Variants in FBXL18 observed in about 807,000 individuals in gnomAD.
FBXL18 encodes F-box and leucine rich repeat protein 18, also known as F-box/LRR-repeat protein 18.
A neutral mutation model predicts 46.0 loss-of-function variants in FBXL18; 36 were observed. The ratio of observed to expected loss-of-function variants is 0.78; its 90% confidence interval spans 0.60 to 1.03. FBXL18 has a LOEUF of 1.03. FBXL18 is among the 50% of genes least tolerant of loss of function. FBXL18 has a pLI of 0.00. For synonymous variants in FBXL18, 557 were observed against 465.3 expected, an observed-to-expected ratio of 1.20 and a Z score of -2.54; for missense variants, 977 against 1,004.1, an observed-to-expected ratio of 0.97 and a Z score of 0.36.
At chr7:5,482,573 G>A (rs2128234051) in intron 4 of FBXL18, among the ~76,000 whole-genome samples, 1 of 151,118 alleles carries the variant, frequency 6.6e-6, no homozygotes, top group Non-Finnish European at 1.5e-5. Flanking sequence ...ATTGCCACGG[G>A]GTGCCCACCG....
chr7:5,497,254 T>TA (rs1410850740), intron 3 of FBXL18, among the ~76,000 whole-genome samples: 1 of 151,978 alleles, frequency 6.6e-6, no homozygotes, highest in Admixed American at 6.6e-5. Flanking sequence ...GTCAAATTTC[T>TA]AAAGCAGGGA....
At chr7:5,472,648 C>T (rs1783445825), downstream of FBXL18, among the ~76,000 whole-genome samples, 1 of 152,178 alleles carries the variant, frequency 6.6e-6, no homozygotes, top group Admixed American at 6.5e-5. Flanking sequence ...ACAGGCCCCA[C>T]TGAGGTCCAG....
intron 4 of FBXL18, among the ~76,000 whole-genome samples, chr7:5,465,729 G>A (rs190964144): frequency 2.0e-5 from 3 of 152,028 alleles, no homozygotes; most frequent in Non-Finnish European, 2.9e-5. Context: ...TGGGTACTAT[G>A]TTCGCTATTT....
At chr7:5,464,985 C>T (rs1360345909) in intron 4 of FBXL18, among the ~76,000 whole-genome samples, 4 of 151,992 alleles carry the variant, frequency 2.6e-5, no homozygotes, top group African/African-American at 9.7e-5. Flanking sequence ...GTCACTTGAA[C>T]CCAGGAGATG....
Position 5,491,446 on chromosome 7 carries a change from C to G in FBXL18, c.1785G>C (p.Leu595=). Reference sequence around the variant, plus strand: ...CGTTGGCGCTGAAGTAGGGCTGCTCCAGCCTGCGGGGAGAGAGGGCAGCTG... The same window carrying G: ...CGTTGGCGCTGAAGTAGGGCTGCTCGAGCCTGCGGGGAGAGAGGGCAGCTG... ...KHCKRLRDLR[L]EQPYFSANAQ... is the part of the protein sequence containing the mutation. The change falls in exon 4 of 5, where the codon CTG becomes CTC. Residue 595 remains leucine, a synonymous_variant. Transcript: ENST00000382368. The G allele has an allele frequency of 6.3e-7, 1 of 1,575,806 alleles. No individual in the cohort carries two copies. The highest frequency in any genetic ancestry group is 1.2e-5 in the South Asian group (1 of 86,938).
At chr7:5,461,993 G>A (rs1584180670) in intron 4 of FBXL18, among the ~76,000 whole-genome samples, 1 of 152,012 alleles carries the variant, frequency 6.6e-6, no homozygotes, top group African/African-American at 2.4e-5. Context: ...GTTCACTCCT[G>A]TAATCCCAGC....
chr7:5,464,663 C>CAA (rs774631633), intron 4 of FBXL18, among the ~76,000 whole-genome samples: 12,083 of 29,360 alleles, frequency 0.41, 3,299 homozygotes, highest in East Asian at 0.69. Flanking sequence ...ACTCTTATCT[C>CAA]AAAAAAAAAA....
At position 5,490,113 on chromosome 7, in the gene FBXL18, G is replaced by A. The variant is rs1275251450; in HGVS notation, c.2000+1118C>T. The A allele has an allele frequency of 2.2e-6, 3 of 1,361,920 alleles. No homozygotes were observed. In the East Asian group the frequency reaches 1.4e-4, roughly 62 times the overall value. 84.4% of individuals were successfully genotyped at this position (1,361,920 alleles called of 1,614,324 possible). ...AACAGACTACCCCAGAGTCTGGCAA[G>A]CAGGGTTGTCGGCGCCCAGTGGCTC... On this transcript the variant is annotated intron_variant, in intron 4 of 4. Transcript: ENST00000382368.
At position 5,501,007 on chromosome 7, in the gene FBXL18, G is replaced by C; in HGVS notation, c.1262C>G (p.Pro421Arg). The C allele has an allele frequency of 1.9e-6, 3 of 1,593,984 alleles. No homozygotes were observed. The highest frequency in any genetic ancestry group is 2.6e-6 in the Non-Finnish European group (3 of 1,172,798). ...CGCGGAGTCAGCGACAGAGCAGACAGGCAGGGAGAGGGAGCGCAGGTGACG... is the reference window on the plus strand; with the variant it reads ...CGCGGAGTCAGCGACAGAGCAGACACGCAGGGAGAGGGAGCGCAGGTGACG... Reference protein sequence around the residue: ...RLRHLRSLSLPVCSVADSAPR... With the variant: ...RLRHLRSLSLRVCSVADSAPR... The change falls in exon 3 of 5, where the codon CCT (proline) becomes CGT (arginine). Residue 421 changes from proline (P) to arginine (R), a missense_variant. Coordinates refer to ENST00000382368, the MANE Select transcript of FBXL18 (RefSeq NM_024963.6).
At chr7:5,490,151 C>T (rs768975292) in intron 4 of FBXL18, 9 of 1,358,312 alleles carry the variant, frequency 6.6e-6, no homozygotes, top group African/African-American at 3.0e-5. Flanking sequence ...GACGTCCTGG[C>T]TGATGGCTCT....
intron 4 of FBXL18, among the ~76,000 whole-genome samples, chr7:5,461,386 C>G (rs776536749): frequency 6.6e-6 from 1 of 151,762 alleles, no homozygotes; most frequent in East Asian, 2.0e-4. Flanking sequence ...GGGCAACATA[C>G]TCGGTTGATA....
At chr7:5,486,542 A>G (rs1783781732) in intron 4 of FBXL18, among the ~76,000 whole-genome samples, 1 of 151,976 alleles carries the variant, frequency 6.6e-6, no homozygotes, top group Non-Finnish European at 1.5e-5. Flanking sequence ...AGTCCCAGGT[A>G]CTGAGGAGGC....
At chr7:5,488,153 C>G (rs569038417) in intron 4 of FBXL18, among the ~76,000 whole-genome samples, 1 of 152,370 alleles carries the variant, frequency 6.6e-6, no homozygotes, top group East Asian at 1.9e-4. Context: ...CACCTTAGAT[C>G]ATCAGACTTG....
intron 4 of FBXL18, among the ~76,000 whole-genome samples, chr7:5,466,183 A>C (rs1783338706): frequency 6.6e-6 from 1 of 151,750 alleles, no homozygotes; most frequent in Non-Finnish European, 1.5e-5. Flanking sequence ...AAAAAAAAAG[A>C]AAAGAAAAGA....
At chr7:5,498,521 C>G (rs1784144800) in intron 3 of FBXL18, among the ~76,000 whole-genome samples, 1 of 152,248 alleles carries the variant, frequency 6.6e-6, no homozygotes, top group Non-Finnish European at 1.5e-5. Flanking sequence ...TGGCAAAGTG[C>G]TGGGATTACA....
intron 1 of FBXL18, among the ~76,000 whole-genome samples, chr7:5,510,829 C>T (rs2128239350): frequency 1.3e-5 from 2 of 152,256 alleles, no homozygotes; most frequent in East Asian, 1.9e-4. Flanking sequence ...AGACAGGTCC[C>T]AACCAGGCAC....
chr7:5,462,943 T>A (rs550598432), intron 4 of FBXL18, among the ~76,000 whole-genome samples: 1 of 35,226 alleles, frequency 2.8e-5, no homozygotes, highest in Non-Finnish European at 6.2e-5. Flanking sequence ...AGAGTGAGAC[T>A]TGGTCTCAAA....
At chr7:5,469,559 G>A (rs1783396367) in intron 4 of FBXL18, among the ~76,000 whole-genome samples, 1 of 151,952 alleles carries the variant, frequency 6.6e-6, no homozygotes, top group South Asian at 2.1e-4. Flanking sequence ...TGTGTGGGGG[G>A]GGTGTACGTG....
rs994462077 is a variant in FBXL18 at position 5,481,404 on chromosome 7, C to T, written c.*371G>A. ...CCACAAACACAACAGCCAAGGGACACGCTTCCCGGTCGGAAGTGGCAGGGG... is the reference window on the plus strand; with the variant it reads ...CCACAAACACAACAGCCAAGGGACATGCTTCCCGGTCGGAAGTGGCAGGGG... On this transcript the variant is annotated 3_prime_UTR_variant, in exon 5 of 5. Coordinates refer to ENST00000382368, the MANE Select transcript of FBXL18 (RefSeq NM_024963.6). 9.1e-5 allele frequency: 17 copies of T among 186,752 alleles called. No homozygotes were observed. The highest frequency in any genetic ancestry group is 2.9e-4 in the African/African-American group (12 of 41,818). 11.6% of individuals were successfully genotyped at this position (186,752 alleles called of 1,614,324 possible).
Sources: gnomAD v4.1 joint callset for allele counts (sites outside exome capture counted in the v4.1 genomes callset) on GRCh38, gnomAD v4.1.1 for gene constraint, MANE v1.5 for transcripts, NCBI Gene and HGNC (gene_info 2026-07-23, HGNC 2026-07-21) for gene names.